NAA11: variants seen among roughly 807,000 people sequenced by gnomAD.
NAA11 encodes the protein N-alpha-acetyltransferase 11, NatA catalytic subunit, also known as N-alpha-acetyltransferase 11.
A neutral mutation model predicts 16.1 loss-of-function variants in NAA11; 15 were observed. The observed-to-expected ratio is 0.93, with a 90% CI of 0.62 to 1.44. The LOEUF (loss-of-function observed/expected upper bound fraction) is 1.44. Among genes scored for constraint, NAA11 ranks in the 40% most tolerant of loss-of-function variants. The probability of loss-of-function intolerance (pLI) is 0.00; values close to 1 mark genes in which losing one functional copy is unlikely to be tolerated. For missense variants in NAA11, 298 were observed against 291.3 expected (o/e 1.02, Z -0.17); for synonymous variants, 122 against 112.4 (o/e 1.09, Z -0.54).
chr4:79,223,672 C>T (rs972633188), downstream of NAA11, among the ~76,000 whole-genome samples: 7 of 150,768 alleles, frequency 4.6e-5, no homozygotes, highest in African/African-American at 1.7e-4. Flanking sequence ...GATTTCTCTA[C>T]CAGTTGCTAT....
At chr4:79,215,850 A>G in the NAA11 span, among the ~76,000 whole-genome samples, 1 of 152,228 alleles carries the variant, frequency 6.6e-6, no homozygotes, top group Non-Finnish European at 1.5e-5. Flanking sequence ...GAATACATAC[A>G]AATTAGAAAA....
chr4:79,158,959 T>C, the NAA11 span, among the ~76,000 whole-genome samples: 1 of 152,018 alleles, frequency 6.6e-6, no homozygotes. Flanking sequence ...AGGACTTAAA[T>C]ATAAGACCTG....
the NAA11 span, among the ~76,000 whole-genome samples, chr4:79,187,141 C>T: frequency 1.3e-5 from 2 of 152,122 alleles, no homozygotes; most frequent in African/African-American, 4.8e-5. Flanking sequence ...TTTGCATTTT[C>T]TCAAATAATT....
chr4:79,248,253 C>T (rs1029771999), intron 2 of NAA11, among the ~76,000 whole-genome samples: 1 of 152,126 alleles, frequency 6.6e-6, no homozygotes, highest in Non-Finnish European at 1.5e-5. Flanking sequence ...GGCCTCCCCA[C>T]TGACATTCAC....
chr4:79,164,584 C>A, the NAA11 span, among the ~76,000 whole-genome samples: 1 of 152,178 alleles, frequency 6.6e-6, no homozygotes, highest in African/African-American at 2.4e-5. Flanking sequence ...TTGGGAAACA[C>A]TGCTAAACAG....
the NAA11 span, among the ~76,000 whole-genome samples, chr4:79,183,413 G>A: frequency 2.1e-5 from 3 of 142,962 alleles, no homozygotes; most frequent in African/African-American, 7.5e-5. Flanking sequence ...AAATAGTGGG[G>A]CCTAAAAAGA....
chr4:79,310,564 G>A (rs1158122801), intron 1 of NAA11, among the ~76,000 whole-genome samples: 3 of 152,142 alleles, frequency 2.0e-5, no homozygotes, highest in South Asian at 2.1e-4. Context: ...CTTAATTCCC[G>A]CACTTGCTTA....
At chr4:79,282,581 A>G in intron 2 of NAA11, among the ~76,000 whole-genome samples, 1 of 152,066 alleles carries the variant, frequency 6.6e-6, no homozygotes, top group East Asian at 1.9e-4. Context: ...TATATTGAAA[A>G]ATTTCCTAGA....
At chr4:79,278,147 AC>A (rs751791174) in intron 2 of NAA11, among the ~76,000 whole-genome samples, 6 of 151,764 alleles carry the variant, frequency 4.0e-5, no homozygotes, top group Admixed American at 6.6e-5. Flanking sequence ...TTTTTCTTTA[AC>A]CTCTTCTTTC....
chr4:79,291,382 C>T (rs1723081429), intron 2 of NAA11, among the ~76,000 whole-genome samples: 1 of 151,220 alleles, frequency 6.6e-6, no homozygotes, highest in Admixed American at 6.6e-5. Context: ...AGGATCACTT[C>T]AGCCCAAGAG....
rs200416109 is a variant in NAA11 at position 79,276,726 on chromosome 4, AG to A, written c.*122+17278del. Among the ~76,000 whole-genome samples, 1,301 of 152,230 alleles carry A rather than the reference AG, an allele frequency of 8.5e-3. 20 individuals carry two copies. The highest frequency in any genetic ancestry group is 0.03 in the African/African-American group (1,258 of 41,558). ...TTCACCCTGGCATTTCATCAACCAG[AG>A]GGAGGAAAAATAAACATCATAAAGC... On this transcript the variant is annotated intron_variant and NMD_transcript_variant, in intron 2 of 2. Coordinates refer to the NAA11 transcript ENST00000511542.
chr4:79,220,318 C>A, the NAA11 span, among the ~76,000 whole-genome samples: 2 of 152,098 alleles, frequency 1.3e-5, no homozygotes, highest in Admixed American at 6.6e-5. Flanking sequence ...ATCTGGAGGT[C>A]CTGACCCCAA....
intron 2 of NAA11, among the ~76,000 whole-genome samples, chr4:79,233,529 A>G (rs1004653283): frequency 1.3e-5 from 2 of 151,994 alleles, no homozygotes; most frequent in African/African-American, 4.8e-5. Context: ...TAAACAGTTG[A>G]GGCTTTTCAG....
intron 1 of NAA11, among the ~76,000 whole-genome samples, chr4:79,296,405 T>C (rs937070001): frequency 2.0e-5 from 3 of 152,234 alleles, no homozygotes; most frequent in Admixed American, 6.5e-5. Flanking sequence ...TTTGTATTCC[T>C]ACACCTTACC....
the NAA11 span, among the ~76,000 whole-genome samples, chr4:79,195,123 C>G: frequency 6.6e-6 from 1 of 152,068 alleles, no homozygotes; most frequent in Non-Finnish European, 1.5e-5. Flanking sequence ...TTCAAGATAT[C>G]TATGTTTTTG....
At chr4:79,265,346 G>A (rs765503829) in intron 2 of NAA11, among the ~76,000 whole-genome samples, 1 of 152,142 alleles carries the variant, frequency 6.6e-6, no homozygotes, top group Non-Finnish European at 1.5e-5. Flanking sequence ...CCACACAGCA[G>A]CAGGGTAATT....
At chr4:79,158,367 G>A in the NAA11 span, among the ~76,000 whole-genome samples, 2 of 151,928 alleles carry the variant, frequency 1.3e-5, no homozygotes, top group African/African-American at 2.4e-5. Context: ...TACAATAGGT[G>A]CAAAAAACCC....
intron 2 of NAA11, among the ~76,000 whole-genome samples, chr4:79,254,663 T>G (rs1304896651): frequency 6.6e-6 from 1 of 150,780 alleles, no homozygotes; most frequent in African/African-American, 2.4e-5. Context: ...TTTTTTTACT[T>G]TTTTCTTTTA....
chr4:79,310,642 G>A (rs1285085497), intron 1 of NAA11, among the ~76,000 whole-genome samples: 1 of 152,178 alleles, frequency 6.6e-6, no homozygotes, highest in African/African-American at 2.4e-5. Context: ...ACCCCACAGA[G>A]TCCCAGTTTA....
Sources: gnomAD v4.1 joint callset for allele counts (sites outside exome capture counted in the v4.1 genomes callset) on GRCh38, gnomAD v4.1.1 for gene constraint, MANE v1.5 for transcripts, NCBI Gene and HGNC (gene_info 2026-07-23, HGNC 2026-07-21) for gene names.